Variants in PAPPA observed in about 807,000 individuals in gnomAD.
The protein encoded by PAPPA is pappalysin 1.
A neutral mutation model predicts 164.0 loss-of-function variants in PAPPA; 60 were observed. The ratio of observed to expected loss-of-function variants is 0.37; its 90% CI spans 0.30 to 0.45. The LOEUF (loss-of-function observed/expected upper bound fraction) is 0.45. Among genes scored for constraint, PAPPA ranks in the 20% least tolerant of loss-of-function variants. PAPPA has a pLI of 1.00. For missense variants in PAPPA, 1,782 were observed against 2,087.3 expected, an observed-to-expected ratio of 0.85 and a Z score of 2.85; for synonymous variants, 875 against 814.1, an observed-to-expected ratio of 1.07 and a Z score of -1.27.
chr9:116,207,561 A>G lies in PAPPA; in HGVS notation c.1584A>G (p.Val528=). Residue 528 remains valine, a synonymous_variant, in exon 3 of 22, where the codon GTA becomes GTG. Transcript: ENST00000328252. ...CCTCAGAGGAGGAGTTGGCAGGAGT[A>G]GCAACTTGGCCATGGGACAAGGAGG... is the stretch of plus-strand genomic sequence containing the variant. The part of the protein sequence containing the change: ...AKSSEEELAG[V]ATWPWDKEAL... The G allele has an allele frequency of 6.2e-7, 1 of 1,613,668 alleles. No homozygotes were observed. Among genetic ancestry groups the G allele is most frequent in the Non-Finnish European group, 8.5e-7 (1 of 1,179,710 alleles).
chr9:116,332,043 T>A (rs1225352120), intron 11 of PAPPA, among the ~76,000 whole-genome samples: 1 of 152,186 alleles, frequency 6.6e-6, no homozygotes, highest in Non-Finnish European at 1.5e-5. Context: ...TATTTTTTTT[T>A]AATCCACCAT....
chr9:116,327,850 T>C (rs576929771), intron 10 of PAPPA, among the ~76,000 whole-genome samples: 4 of 152,314 alleles, frequency 2.6e-5, no homozygotes, highest in African/African-American at 7.2e-5. Flanking sequence ...CCCAGGAACA[T>C]AGATTATTTT....
intron 4 of PAPPA, among the ~76,000 whole-genome samples, chr9:116,216,605 G>T (rs1459003002): frequency 6.6e-6 from 1 of 152,046 alleles, no homozygotes; most frequent in Non-Finnish European, 1.5e-5. Context: ...AAGCCAAGTG[G>T]GACTGACTCT....
intron 16 of PAPPA, 22 bp from the exon 17 acceptor site, chr9:116,353,600 C>T: frequency 6.2e-7 from 1 of 1,609,284 alleles, no homozygotes; most frequent in Non-Finnish European, 8.5e-7. Context: ...GAGATGTCTC[C>T]TGTTTGATCC....
At chr9:116,360,158 T>G (rs12342779) in intron 17 of PAPPA, among the ~76,000 whole-genome samples, 24,247 of 152,250 alleles carry the variant, frequency 0.16, 2,113 homozygotes, top group Non-Finnish European at 0.2. Flanking sequence ...GGGGTTGGAA[T>G]CCAAATGCAT....
chr9:116,267,709 T>TA (rs1301211129), intron 8 of PAPPA, among the ~76,000 whole-genome samples: 49 of 151,338 alleles, frequency 3.2e-4, no homozygotes, highest in Middle Eastern at 3.4e-3. Flanking sequence ...CCGTCTCTAC[T>TA]AAAAAAATAC....
chr9:116,322,907 C>T (rs536592245), intron 10 of PAPPA, among the ~76,000 whole-genome samples: 55 of 152,242 alleles, frequency 3.6e-4, no homozygotes, highest in Admixed American at 1.9e-3. Flanking sequence ...TTCTATAAGG[C>T]TCATTCGCAG....
At chr9:116,188,900 TAGAG>T (rs1029871504) in intron 2 of PAPPA, among the ~76,000 whole-genome samples, 3 of 152,192 alleles carry the variant, frequency 2.0e-5, no homozygotes, top group Non-Finnish European at 4.4e-5. Flanking sequence ...TGAGGATTGA[TAGAG>T]AGAAGACATA....
At chr9:116,249,278 G>C (rs1844832540) in intron 7 of PAPPA, among the ~76,000 whole-genome samples, 1 of 152,214 alleles carries the variant, frequency 6.6e-6, no homozygotes, top group Non-Finnish European at 1.5e-5. Flanking sequence ...GAAAGAGGCA[G>C]CAACTAAGCC....
At chr9:116,257,981 A>G (rs922200694) in intron 7 of PAPPA, among the ~76,000 whole-genome samples, 4 of 152,040 alleles carry the variant, frequency 2.6e-5, no homozygotes, top group African/African-American at 2.4e-5. Flanking sequence ...TGTAGGACTG[A>G]CACCTATAAA....
chr9:116,187,681 G>T lies in PAPPA; in HGVS notation c.943G>T (p.Gly315Cys), dbSNP rs201429158. The T allele has an allele frequency of 6.2e-7, 1 of 1,614,226 alleles. No individual in the cohort carries two copies. Among genetic ancestry groups the T allele is most frequent in the African/African-American group, 1.3e-5 (1 of 75,064 alleles). ...SPKVEFSNAH[G>C]FLLDTSLEPP... ...CAAAGTGGAATTCAGCAATGCCCAC[G>T]GCTTTCTGCTGGACACGAGTCTGGA... Residue 315 changes from glycine to cysteine, a missense_variant, in exon 2 of 22, where the codon GGC becomes TGC. Gly to Cys is a radical substitution (Grantham distance 159). Coordinates refer to ENST00000328252, the MANE Select transcript of PAPPA (RefSeq NM_002581.5). This position sits in a 1 kb window ranked among gnomAD's most constrained non-coding sequence, Gnocchi z 4.2.
chr9:116,263,100 C>G (rs1845022490), intron 7 of PAPPA, among the ~76,000 whole-genome samples: 1 of 152,138 alleles, frequency 6.6e-6, no homozygotes, highest in Admixed American at 6.5e-5. Context: ...CTTGGGATAA[C>G]AACACCTTCC....
chr9:116,242,705 T>C (rs1177861998), intron 7 of PAPPA, among the ~76,000 whole-genome samples: 2 of 152,186 alleles, frequency 1.3e-5, no homozygotes, highest in Non-Finnish European at 2.9e-5. Context: ...AAATTGCCGG[T>C]GATAAGCTAT....
intron 9 of PAPPA, among the ~76,000 whole-genome samples, chr9:116,290,842 T>C (rs1845427538): frequency 6.6e-6 from 1 of 152,034 alleles, no homozygotes; most frequent in Non-Finnish European, 1.5e-5. Context: ...TTTTTCCATT[T>C]ATTAGCTTAT....
intron 9 of PAPPA, among the ~76,000 whole-genome samples, chr9:116,302,247 G>T (rs1845587893): frequency 6.6e-6 from 1 of 152,018 alleles, no homozygotes; most frequent in African/African-American, 2.4e-5. Context: ...CACAACACAA[G>T]GTCTACCTTC....
rs1246016407 is a variant in PAPPA at position 116,344,640 on chromosome 9, C to G, written c.3709C>G (p.Gln1237Glu). The G allele has an allele frequency of 6.2e-7, 1 of 1,614,142 alleles. No homozygotes were observed. The change falls in exon 14 of 22, where the codon CAG (glutamine) becomes GAG (glutamate). Residue 1237 changes from glutamine (Q) to glutamate (E), a missense_variant. By Grantham distance (29) the Gln-to-Glu change is conservative (BLOSUM62 2). Coordinates refer to ENST00000328252, the MANE Select transcript of PAPPA (RefSeq NM_002581.5). Reference sequence around the variant, plus strand: ...CAGCAGCGACCGCTACCACGGTGCCCAGTGTACTGTGAGCTGCCGGACAGG... The same window carrying G: ...CAGCAGCGACCGCTACCACGGTGCCGAGTGTACTGTGAGCTGCCGGACAGG... ...CSSSDRYHGA[Q>E]CTVSCRTGYV...
chr9:116,214,637 A>T (rs1395504339), intron 4 of PAPPA, among the ~76,000 whole-genome samples: 1 of 152,166 alleles, frequency 6.6e-6, no homozygotes, highest in African/African-American at 2.4e-5. Flanking sequence ...CCAGAGGAGT[A>T]TAGTTATGTT....
At chr9:116,248,612 C>T (rs1303551528) in intron 7 of PAPPA, among the ~76,000 whole-genome samples, 1 of 152,194 alleles carries the variant, frequency 6.6e-6, no homozygotes, top group African/African-American at 2.4e-5. Context: ...TTACAAAGCT[C>T]TTCCTTTGAG....
intron 1 of PAPPA, among the ~76,000 whole-genome samples, chr9:116,160,572 C>A (rs1420695869): frequency 6.6e-6 from 1 of 152,180 alleles, no homozygotes; most frequent in Non-Finnish European, 1.5e-5. Context: ...GCAGGTGTCT[C>A]CAATGAGGAG....
Sources: allele counts gnomAD v4.1 joint callset (sites outside exome capture counted in the v4.1 genomes callset), GRCh38; gene constraint gnomAD v4.1.1; non-coding constraint Gnocchi (gnomAD v3.1); transcripts MANE v1.5; gene names NCBI Gene and HGNC (gene_info 2026-07-23, HGNC 2026-07-21).